The following KIAA0319 variants were observed in gnomAD, a reference collection of about 807,000 sequenced individuals.
KIAA0319 encodes the protein dyslexia-associated protein KIAA0319.
A neutral mutation model predicts 108.4 loss-of-function variants in KIAA0319; 83 were observed. The observed-to-expected ratio is 0.77, with a 90% CI of 0.64 to 0.92. KIAA0319 has a LOEUF of 0.92. Among genes scored for constraint, KIAA0319 ranks in the 40% least tolerant of loss-of-function variants. The pLI, the probability that KIAA0319 is intolerant of heterozygous loss-of-function variation, is 0.00. For synonymous variants in KIAA0319, 484 were observed against 510.4 expected (o/e 0.95, Z 0.70); for missense variants, 1,195 against 1,322.4 (o/e 0.90, Z 1.49).
intron 17 of KIAA0319, 74 bp from the exon 18 acceptor site, chr6:24,556,803 T>C (rs1762360336): frequency 6.6e-7 from 1 of 1,508,442 alleles, no homozygotes; most frequent in Non-Finnish European, 8.9e-7. Flanking sequence ...TTTTGTATCT[T>C]CAGTAGCATA....
chr6:24,584,434 A>ATT (rs1767133872), intron 4 of KIAA0319, among the ~76,000 whole-genome samples: 2 of 138,804 alleles, frequency 1.4e-5, no homozygotes, highest in South Asian at 2.2e-4. Flanking sequence ...AAAGATTTAA[A>ATT]AAAAAAAAAA....
At chr6:24,573,627 C>T (rs1582002381) in intron 10 of KIAA0319, among the ~76,000 whole-genome samples, 1 of 152,186 alleles carries the variant, frequency 6.6e-6, no homozygotes, top group East Asian at 1.9e-4. Flanking sequence ...TACATACGCA[C>T]ACTTACACAG....
chr6:24,551,947 A>G (rs1036126768), intron 19 of KIAA0319, among the ~76,000 whole-genome samples: 3 of 152,156 alleles, frequency 2.0e-5, no homozygotes, highest in African/African-American at 7.2e-5. Flanking sequence ...TAGCAATCAG[A>G]AAAAAATAGC....
chr6:24,637,390 G>A (rs1041342782), intron 1 of KIAA0319, among the ~76,000 whole-genome samples: 1 of 152,168 alleles, frequency 6.6e-6, no homozygotes, highest in Non-Finnish European at 1.5e-5. Context: ...GAGTTTCAAT[G>A]GTAAGTCATT....
intron 11 of KIAA0319, 102 bp from the exon 12 acceptor site, chr6:24,570,137 C>T: frequency 1.8e-6 from 2 of 1,116,998 alleles, no homozygotes; most frequent in South Asian, 3.0e-5. Flanking sequence ...TCAGACCAGG[C>T]AGCCACTAGA....
intron 8 of KIAA0319, among the ~76,000 whole-genome samples, chr6:24,578,718 C>T (rs574128626): frequency 3.4e-4 from 52 of 152,334 alleles, no homozygotes; most frequent in African/African-American, 1.2e-3. Flanking sequence ...ACATGAAAAT[C>T]TTCCATTTCT....
chr6:24,556,358 A>C (rs2817254), intron 18 of KIAA0319, among the ~76,000 whole-genome samples: 44,603 of 151,796 alleles, frequency 0.29, 7,867 homozygotes, highest in African/African-American at 0.5. Context: ...TTTTTTAAGA[A>C]AGGGTCATAC....
At chr6:24,563,269 G>T in intron 16 of KIAA0319, 90 bp downstream of exon 16, 1 of 1,384,796 alleles carries the variant, frequency 7.2e-7, no homozygotes, top group Non-Finnish European at 9.7e-7. Context: ...AAAAGTAGCA[G>T]AGGAATGAAC....
intron 18 of KIAA0319, 73 bp downstream of exon 18, chr6:24,556,534 A>C: frequency 6.5e-7 from 1 of 1,530,510 alleles, no homozygotes; most frequent in South Asian, 1.2e-5. Flanking sequence ...AATATTAGGC[A>C]GATATTTCTG....
At chr6:24,582,871 T>A (rs754473045) in intron 5 of KIAA0319, among the ~76,000 whole-genome samples, 7 of 152,166 alleles carry the variant, frequency 4.6e-5, no homozygotes, top group African/African-American at 1.7e-4. Flanking sequence ...TATGTTAAGA[T>A]GAAACTGTCT....
At chr6:24,593,558 G>T (rs886889700) in intron 3 of KIAA0319, among the ~76,000 whole-genome samples, 1 of 151,440 alleles carries the variant, frequency 6.6e-6, no homozygotes, top group African/African-American at 2.4e-5. Flanking sequence ...ATACCGCCAC[G>T]CCTGGCTAAT....
chr6:24,645,691 C>G (rs1309105641), intron 1 of KIAA0319, 45 bp downstream of exon 1: 2 of 152,416 alleles, frequency 1.3e-5, no homozygotes, highest in Non-Finnish European at 2.9e-5. Context: ...TGGCTGCCCT[C>G]TTTCCTATTT....
intron 1 of KIAA0319, among the ~76,000 whole-genome samples, chr6:24,629,528 A>AAAAAAAAAAAAAAAAAAAAG (rs1156657922): frequency 6.7e-6 from 1 of 148,608 alleles, no homozygotes; most frequent in Non-Finnish European, 1.5e-5. Context: ...AAAAAAAAAA[A>AAAAAAAAAAAAAAAAAAAAG]AAAGAAAGAA....
intron 1 of KIAA0319, among the ~76,000 whole-genome samples, chr6:24,614,866 A>G (rs1582240756): frequency 1.3e-5 from 2 of 151,904 alleles, no homozygotes; most frequent in East Asian, 3.8e-4. Flanking sequence ...AAGTGACCTC[A>G]CTATGTCATC....
At chr6:24,595,130 T>C (rs1769262663) in intron 3 of KIAA0319, among the ~76,000 whole-genome samples, 1 of 152,212 alleles carries the variant, frequency 6.6e-6, no homozygotes, top group Non-Finnish European at 1.5e-5. Flanking sequence ...TGATGCCATG[T>C]TGAGTTTCTA....
At chr6:24,614,172 A>C (rs922853284) in intron 1 of KIAA0319, among the ~76,000 whole-genome samples, 1 of 152,200 alleles carries the variant, frequency 6.6e-6, no homozygotes, top group African/African-American at 2.4e-5. Flanking sequence ...ATTGATTCAA[A>C]TGTTGGAAGG....
Position 24,556,662 on chromosome 6 carries a change from G to A in KIAA0319, c.2802C>T (p.His934=). The A allele has an allele frequency of 4.3e-6, 7 of 1,614,068 alleles. No individual in the cohort carries two copies. Among genetic ancestry groups the A allele is most frequent in the Non-Finnish European group, 5.9e-6 (7 of 1,179,966 alleles). The change falls in exon 18 of 21, where the codon CAC becomes CAT. Residue 934 remains histidine, a synonymous_variant. Coordinates refer to ENST00000378214, the MANE Select transcript of KIAA0319 (RefSeq NM_014809.4). ...DPLTKRCICS[H]LWMENLIQRY... ...GCTGTATAAGGTTCTCCATCCATAA[G>A]TGAGAGCAAATGCAGCGCTTTGTGA...
rs1317494258 is a variant in KIAA0319, at chr6:24,547,349, G to A, written c.3041-6C>T. The A allele has an allele frequency of 6.2e-7, 1 of 1,612,976 alleles. No homozygotes were observed. The highest frequency in any genetic ancestry group is 1.1e-5 in the South Asian group (1 of 90,994). ...TGTGCTTCGGTGCTTGATACCTAGA[G>A]AGAAGCACAGAAGCATCTGAGGAGG... On this transcript the variant is annotated splice_region_variant and splice_polypyrimidine_tract_variant and intron_variant, in intron 20 of 20. Transcript: ENST00000378214.
chr6:24,581,916 G>T (rs912792800), intron 6 of KIAA0319, among the ~76,000 whole-genome samples: 1 of 152,192 alleles, frequency 6.6e-6, no homozygotes, highest in Non-Finnish European at 1.5e-5. Flanking sequence ...GGCCAAGGAG[G>T]GCAGATCACT....
Sources: gnomAD v4.1 joint callset for allele counts (sites outside exome capture counted in the v4.1 genomes callset) on GRCh38, gnomAD v4.1.1 for gene constraint, MANE v1.5 for transcripts, NCBI Gene and HGNC (gene_info 2026-07-23, HGNC 2026-07-21) for gene names.